The following PATJ variants were observed in gnomAD, a reference collection of about 807,000 sequenced individuals.
The protein encoded by PATJ is PATJ crumbs cell polarity complex component.
A neutral mutation model predicts 224.9 loss-of-function variants in PATJ; 190 were observed. That is an observed-to-expected ratio of 0.84 (90% CI 0.75 to 0.95). The LOEUF (loss-of-function observed/expected upper bound fraction) is 0.95, where lower values mean the gene tolerates loss of function less well. Among genes scored for constraint, PATJ ranks in the 40% least tolerant of loss-of-function variants. PATJ has a pLI of 0.00. For synonymous variants in PATJ, 769 were observed against 820.3 expected (o/e 0.94, Z 1.07); for missense variants, 2,121 against 2,270.3 (o/e 0.93, Z 1.34).
In PATJ at chr1:61,920,702, C is replaced by CTTT. The variant is rs71582652; in HGVS notation, c.3570+6059_3570+6061dup. 8.2e-3 allele frequency among the ~76,000 whole-genome samples: 731 copies of CTTT among 89,480 alleles called. 3 individuals carry two copies. The highest frequency in any genetic ancestry group is 0.01 in the Non-Finnish European group (497 of 47,936). The allele number at this position is 89,480 out of a possible 152,430, so 58.7% of individuals were successfully genotyped here. A position where few individuals can be genotyped will look rare whatever the true frequency, so the allele number is the denominator to read the frequency against. On this transcript the variant is annotated intron_variant, in intron 26 of 43. Transcript: ENST00000642238. ...AGTGAATCTAGACTTGTATGGAATT[C>CTTT]TTTTTTTTTTTTTTTTTTTTTTTGA...
chr1:62,010,134 A>G (rs1646354871), intron 28 of PATJ, among the ~76,000 whole-genome samples: 1 of 151,552 alleles, frequency 6.6e-6, no homozygotes, highest in Admixed American at 6.6e-5. Context: ...GCTCATCCAT[A>G]GGAAGCAGCT....
Position 62,162,737 on chromosome 1 carries a change from A to G in PATJ, c.*1683A>G. ...GCCAGGGCAGGCGAATCATGAGGTCAGGAGTTCGAGACCAGCCTGGCCAAT... is the reference window on the plus strand; with the variant it reads ...GCCAGGGCAGGCGAATCATGAGGTCGGGAGTTCGAGACCAGCCTGGCCAAT... On this transcript the variant is annotated 3_prime_UTR_variant, in exon 44 of 44. Coordinates refer to ENST00000642238, the MANE Select transcript of PATJ (RefSeq NM_001350145.3). The G allele has an allele frequency of 5.7e-6, 1 of 176,750 alleles. No individual in the cohort carries two copies. Among genetic ancestry groups the G allele is most frequent in the South Asian group, 9.4e-5 (1 of 10,658 alleles). 10.9% of individuals were successfully genotyped at this position (176,750 alleles called of 1,614,324 possible).
intron 6 of PATJ, among the ~76,000 whole-genome samples, chr1:61,773,781 C>T (rs972575494): frequency 6.7e-6 from 1 of 150,324 alleles, no homozygotes; most frequent in Admixed American, 6.6e-5. Flanking sequence ...GAGACTCTGT[C>T]TCAAAAAAAC....
chr1:62,089,361 T>G (rs1221903643), intron 33 of PATJ, among the ~76,000 whole-genome samples: 1 of 149,952 alleles, frequency 6.7e-6, no homozygotes, highest in Non-Finnish European at 1.5e-5. Context: ...TACTGTACTC[T>G]CCTTTCCCTG....
At chr1:61,766,772 A>C (rs548522131) in intron 4 of PATJ, among the ~76,000 whole-genome samples, 1 of 152,242 alleles carries the variant, frequency 6.6e-6, no homozygotes, top group Admixed American at 6.5e-5. Flanking sequence ...GACAATGACT[A>C]ATTGAACACA....
intron 31 of PATJ, among the ~76,000 whole-genome samples, chr1:62,064,436 C>A (rs1656059485): frequency 6.6e-6 from 1 of 151,740 alleles, no homozygotes; most frequent in South Asian, 2.1e-4. Context: ...TCAAGCGATT[C>A]TCTTGCCTCA....
intron 25 of PATJ, among the ~76,000 whole-genome samples, chr1:61,911,819 A>G (rs1672701224): frequency 6.7e-6 from 1 of 148,782 alleles, no homozygotes; most frequent in Non-Finnish European, 1.5e-5. Context: ...AAACCCCACC[A>G]GTCTTTGAAA....
intron 15 of PATJ, among the ~76,000 whole-genome samples, chr1:61,825,637 T>C (rs181899724): frequency 1.3e-4 from 20 of 152,194 alleles, no homozygotes; most frequent in African/African-American, 4.6e-4. Context: ...TCCCCTTAGA[T>C]AGGAGTTGGT....
At chr1:61,981,361 A>G (rs781532295) in intron 27 of PATJ, among the ~76,000 whole-genome samples, 16 of 152,110 alleles carry the variant, frequency 1.1e-4, no homozygotes, top group South Asian at 6.2e-4. Context: ...GGTCCCAGTC[A>G]TGGTTCTGTT....
At chr1:62,139,722 G>A (rs978425475) in intron 41 of PATJ, among the ~76,000 whole-genome samples, 1 of 151,874 alleles carries the variant, frequency 6.6e-6, no homozygotes, top group African/African-American at 2.4e-5. Flanking sequence ...GCTTGATGGG[G>A]ATTTCTTAGA....
chr1:61,799,969 C>T (rs925548530), intron 11 of PATJ, among the ~76,000 whole-genome samples: 2 of 152,008 alleles, frequency 1.3e-5, no homozygotes, highest in Non-Finnish European at 2.9e-5. Flanking sequence ...ATATACATAC[C>T]ACATTTTCTG....
chr1:61,964,241 C>T (rs1681746688), intron 27 of PATJ, among the ~76,000 whole-genome samples: 1 of 151,758 alleles, frequency 6.6e-6, no homozygotes, highest in African/African-American at 2.4e-5. Context: ...ACCACCATGC[C>T]CAGTTAATCT....
intron 1 of PATJ, among the ~76,000 whole-genome samples, chr1:61,743,578 A>G (rs1644871683): frequency 6.6e-6 from 1 of 152,222 alleles, no homozygotes; most frequent in Non-Finnish European, 1.5e-5. Flanking sequence ...TGAGGATGAT[A>G]CTACCACATT....
intron 33 of PATJ, among the ~76,000 whole-genome samples, chr1:62,098,368 AAGAAAAAAG>A (rs1327308812): frequency 2.0e-5 from 3 of 151,232 alleles, no homozygotes; most frequent in Admixed American, 2.0e-4. Context: ...CAAAAAAAAA[AAGAAAAAAG>A]AAAAAAAAGA....
intron 21 of PATJ, among the ~76,000 whole-genome samples, chr1:61,877,094 T>C (rs1421991034): frequency 6.6e-6 from 1 of 152,186 alleles, no homozygotes; most frequent in Non-Finnish European, 1.5e-5. Flanking sequence ...CAAGACTCAG[T>C]GCACATGCTT....
At position 61,908,356 on chromosome 1, in the gene PATJ, T is replaced by G; in HGVS notation, c.3382-16T>G. 1 of 1,555,990 alleles carries G rather than the reference T, an allele frequency of 6.4e-7. No individual in the cohort carries two copies. The highest frequency in any genetic ancestry group is 2.2e-5 in the East Asian group (1 of 44,600). On this transcript the variant is annotated splice_polypyrimidine_tract_variant and intron_variant, in intron 24 of 43. Transcript: ENST00000642238. The stretch of plus-strand genomic sequence containing the variant: ...TAGTGCTGTTCTAATTGAAATAACT[T>G]GCTTCTGTGTTTCAGGTGTCTGGAG...
chr1:62,060,166 G>A (rs1655189991), intron 31 of PATJ, among the ~76,000 whole-genome samples: 1 of 152,138 alleles, frequency 6.6e-6, no homozygotes, highest in Non-Finnish European at 1.5e-5. Flanking sequence ...TAGGAACTGA[G>A]CAGAAACTGT....
At chr1:61,991,821 C>T in intron 28 of PATJ, 1 of 807,044 alleles carries the variant, frequency 1.2e-6, no homozygotes, top group Non-Finnish European at 1.5e-6. Flanking sequence ...TGTTTAGAGA[C>T]TTCCTCAGAG....
intron 22 of PATJ, 36 bp from the exon 23 acceptor site, chr1:61,899,546 TA>T (rs1193167118): frequency 6.7e-7 from 1 of 1,483,826 alleles, no homozygotes; most frequent in South Asian, 1.2e-5. Context: ...GAGTATGCCC[TA>T]AAATTGTGTG....
Sources: gnomAD v4.1 joint callset for allele counts (sites outside exome capture counted in the v4.1 genomes callset) on GRCh38, gnomAD v4.1.1 for gene constraint, MANE v1.5 for transcripts, NCBI Gene and HGNC (gene_info 2026-07-23, HGNC 2026-07-21) for gene names.